Variants in SCNN1B observed in about 807,000 individuals in gnomAD.
The protein encoded by SCNN1B is epithelial sodium channel subunit beta.
In SCNN1B, 46 loss-of-function variants were observed where a neutral mutation model predicts 65.3. That is an observed-to-expected ratio of 0.70 (90% confidence interval 0.56 to 0.90). SCNN1B has a LOEUF of 0.90. SCNN1B is among the 40% of genes least tolerant of loss of function. The pLI is 0.00. For missense variants in SCNN1B, 751 were observed against 830.5 expected (o/e 0.90, Z 1.18); for synonymous variants, 349 against 330.6 (o/e 1.06, Z -0.60).
At chr16:23,315,677 A>T (rs936310028) in intron 1 of SCNN1B, among the ~76,000 whole-genome samples, 1 of 152,072 alleles carries the variant, frequency 6.6e-6, no homozygotes, top group Non-Finnish European at 1.5e-5. Flanking sequence ...ATGTTGTGGC[A>T]ACTGTAGTCT....
chr16:23,378,051 C>T (rs1962951135), intron 10 of SCNN1B, among the ~76,000 whole-genome samples: 1 of 152,110 alleles, frequency 6.6e-6, no homozygotes, highest in Non-Finnish European at 1.5e-5. Context: ...CTCTGTCGCC[C>T]AGGCTGGAGT....
At chr16:23,317,127 G>C (rs1961489126) in intron 1 of SCNN1B, among the ~76,000 whole-genome samples, 2 of 152,206 alleles carry the variant, frequency 1.3e-5, no homozygotes, top group South Asian at 4.1e-4. Context: ...TGCCACTTTT[G>C]AGCTGTGTGA....
At chr16:23,311,899 C>A (rs1961351199) in intron 1 of SCNN1B, among the ~76,000 whole-genome samples, 1 of 152,156 alleles carries the variant, frequency 6.6e-6, no homozygotes, top group Non-Finnish European at 1.5e-5. Flanking sequence ...CAAGAGATGG[C>A]CATGGGCCTG....
At chr16:23,334,821 T>C (rs1961902924) in intron 1 of SCNN1B, among the ~76,000 whole-genome samples, 1 of 152,232 alleles carries the variant, frequency 6.6e-6, no homozygotes, top group South Asian at 2.1e-4. Context: ...TGTCACATTT[T>C]AAATGTAGTA....
intron 2 of SCNN1B, among the ~76,000 whole-genome samples, chr16:23,292,487 G>A (rs1051690742): frequency 6.6e-6 from 1 of 151,586 alleles, no homozygotes; most frequent in Non-Finnish European, 1.5e-5. Context: ...ATAAGCCACC[G>A]TGCTTGGCCA....
At chr16:23,360,425 T>C (rs1160479534) in intron 4 of SCNN1B, among the ~76,000 whole-genome samples, 1 of 151,802 alleles carries the variant, frequency 6.6e-6, no homozygotes, top group South Asian at 2.1e-4. Context: ...GGTACACACC[T>C]GTAGACTCAG....
intron 1 of SCNN1B, among the ~76,000 whole-genome samples, chr16:23,344,181 A>G (rs541365857): frequency 6.6e-6 from 1 of 152,340 alleles, no homozygotes; most frequent in South Asian, 2.1e-4. Context: ...ATCTCTTGCC[A>G]TAAGTAGAAG....
intron 2 of SCNN1B, among the ~76,000 whole-genome samples, chr16:23,291,408 G>T (rs1252258515): frequency 1.3e-5 from 2 of 150,998 alleles, no homozygotes; most frequent in Admixed American, 6.6e-5. Flanking sequence ...TCCAGAATTT[G>T]ATATGTATCC....
intron 5 of SCNN1B, among the ~76,000 whole-genome samples, chr16:23,370,620 A>C (rs1430988442): frequency 2.0e-5 from 3 of 152,216 alleles, no homozygotes; most frequent in Non-Finnish European, 4.4e-5. Context: ...GCAGGTACTC[A>C]GAAGGAAAGT....
chr16:23,328,863 A>G (rs1441948180), intron 1 of SCNN1B, among the ~76,000 whole-genome samples: 1 of 151,914 alleles, frequency 6.6e-6, no homozygotes, highest in Non-Finnish European at 1.5e-5. Flanking sequence ...TGGCATGATC[A>G]TGGCTCACTG....
intron 8 of SCNN1B, 56 bp downstream of exon 8, chr16:23,375,911 G>T (rs1962884825): frequency 1.7e-6 from 2 of 1,208,268 alleles, no homozygotes; most frequent in South Asian, 1.2e-5. Flanking sequence ...CAGAGGCTCT[G>T]ACCATAGAGG....
chr16:23,319,831 A>T (rs1485071720), intron 1 of SCNN1B, among the ~76,000 whole-genome samples: 1 of 151,714 alleles, frequency 6.6e-6, no homozygotes, highest in African/African-American at 2.4e-5. Flanking sequence ...GCAGTGGCGC[A>T]ATCTTGGCTC....
chr16:23,337,858 G>A (rs1961976536), intron 1 of SCNN1B, among the ~76,000 whole-genome samples: 1 of 151,982 alleles, frequency 6.6e-6, no homozygotes, highest in Admixed American at 6.6e-5. Flanking sequence ...CTTGAACCCA[G>A]GAGTTCAAGA....
chr16:23,310,194 T>A (rs375508878), intron 1 of SCNN1B, among the ~76,000 whole-genome samples: 1 of 148,370 alleles, frequency 6.7e-6, no homozygotes, highest in Non-Finnish European at 1.5e-5. Flanking sequence ...CTGGGCAGCA[T>A]AGTGAGACCC....
intron 1 of SCNN1B, among the ~76,000 whole-genome samples, chr16:23,338,379 G>T (rs1412571564): frequency 6.6e-6 from 1 of 152,198 alleles, no homozygotes; most frequent in East Asian, 1.9e-4. Flanking sequence ...TAAAGAGTCA[G>T]TCATGTCCTC....
At chr16:23,359,790 C>T (rs1486384689) in intron 4 of SCNN1B, among the ~76,000 whole-genome samples, 1 of 152,192 alleles carries the variant, frequency 6.6e-6, no homozygotes, top group Non-Finnish European at 1.5e-5. Context: ...GTTTCCTCAC[C>T]TGGAAAGTGG....
intron 1 of SCNN1B, among the ~76,000 whole-genome samples, chr16:23,339,032 A>G (rs1163750507): frequency 2.6e-5 from 4 of 152,200 alleles, no homozygotes; most frequent in Non-Finnish European, 4.4e-5. Flanking sequence ...TAGTCAATCC[A>G]CTACTCACCC....
Position 23,375,742 on chromosome 16 carries a change from G to T in SCNN1B, c.1157G>T (p.Cys386Phe). The T allele has an allele frequency of 6.2e-7, 1 of 1,612,748 alleles. No homozygotes were observed. Among genetic ancestry groups the T allele is most frequent in the Non-Finnish European group, 8.5e-7 (1 of 1,178,768 alleles). The change falls in exon 8 of 13, where the codon TGT becomes TTT. Residue 386 changes from cysteine (C) to phenylalanine (F), a missense_variant. Physicochemically the swap from Cys to Phe is radical, Grantham distance 205. Transcript: ENST00000343070. ...TGAACCCCCTACCCTCCCCAGGCCTGTCTTCGCTCCTGCTTCCAAGACCAC... is the reference window on the plus strand; with the variant it reads ...TGAACCCCCTACCCTCCCCAGGCCTTTCTTCGCTCCTGCTTCCAAGACCAC... Reference protein sequence around the residue: ...DYNTTYSIQACLRSCFQDHMI... With the variant: ...DYNTTYSIQAFLRSCFQDHMI...
chr16:23,365,543 G>A (rs1033202422), intron 4 of SCNN1B, among the ~76,000 whole-genome samples: 5 of 108,072 alleles, frequency 4.6e-5, no homozygotes, highest in Admixed American at 1.8e-4. Context: ...GAGAAGGAAA[G>A]AGAAAGAAGG....
Sources: gnomAD v4.1 joint callset for allele counts (sites outside exome capture counted in the v4.1 genomes callset) on GRCh38, gnomAD v4.1.1 for gene constraint, MANE v1.5 for transcripts, NCBI Gene and HGNC (gene_info 2026-07-23, HGNC 2026-07-21) for gene names.